PREX1: variants seen among roughly 807,000 people sequenced by gnomAD.
PREX1 encodes phosphatidylinositol-3,4,5-trisphosphate dependent Rac exchange factor 1.
In PREX1, 41 loss-of-function variants were observed where a neutral mutation model predicts 198.3. The ratio of observed to expected loss-of-function variants is 0.21; its 90% CI spans 0.16 to 0.27. The LOEUF is 0.27. PREX1 is among the 10% of genes least tolerant of loss of function. The probability of loss-of-function intolerance (pLI) is 1.00; values close to 1 mark genes in which losing one functional copy is unlikely to be tolerated. For synonymous variants in PREX1, 843 were observed against 887.2 expected (o/e 0.95, Z 0.89); for missense variants, 1,620 against 2,200.7 (o/e 0.74, Z 5.28).
At position 48,625,769 on chromosome 20, in the gene PREX1, CG is replaced by C; in HGVS notation, c.*115del. 1 of 1,265,920 alleles carries C rather than the reference CG, an allele frequency of 7.9e-7. No homozygotes were observed. Among genetic ancestry groups the C allele is most frequent in the South Asian group, 1.6e-5 (1 of 63,432 alleles). The allele number at this position is 1,265,920 out of a possible 1,614,324, so 78.4% of individuals were successfully genotyped here. A position where few individuals can be genotyped will look rare whatever the true frequency, so the allele number is the denominator to read the frequency against. Reference sequence around the variant, plus strand: ...GGCAGGGAGGACGCTGGGCAGGTCCCGGAACGGGCGGCTGCGGAAGCCTTGG... The same window carrying C: ...GGCAGGGAGGACGCTGGGCAGGTCCCGAACGGGCGGCTGCGGAAGCCTTGG... On this transcript the variant is annotated 3_prime_UTR_variant, in exon 40 of 40. Transcript: ENST00000371941.
At chr20:48,759,094 G>GAGGCTCAA (rs1306927538) in intron 1 of PREX1, among the ~76,000 whole-genome samples, 26 of 152,230 alleles carry the variant, frequency 1.7e-4, no homozygotes, top group African/African-American at 6.0e-4. Context: ...AAGAGTGGAT[G>GAGGCTCAA]AGGCTCAAAG....
At chr20:48,867,369 G>C in the PREX1 span, among the ~76,000 whole-genome samples, 2 of 152,196 alleles carry the variant, frequency 1.3e-5, no homozygotes, top group Admixed American at 1.3e-4. Flanking sequence ...GAGAGACCTT[G>C]AAAGCACCTA....
intron 1 of PREX1, among the ~76,000 whole-genome samples, chr20:48,808,141 T>G (rs949168381): frequency 1.3e-5 from 2 of 152,040 alleles, no homozygotes; most frequent in Admixed American, 6.6e-5. Context: ...GAGGGCAGAG[T>G]TGGGGAACAA....
At chr20:48,844,152 A>G in the PREX1 span, among the ~76,000 whole-genome samples, 1 of 152,036 alleles carries the variant, frequency 6.6e-6, no homozygotes, top group Non-Finnish European at 1.5e-5. Flanking sequence ...AAAAAAATCT[A>G]GTAGCTGTGT....
At chr20:48,680,048 T>C (rs538684158) in intron 11 of PREX1, among the ~76,000 whole-genome samples, 1 of 152,096 alleles carries the variant, frequency 6.6e-6, no homozygotes, top group Admixed American at 6.5e-5. Flanking sequence ...GACCCAGAAA[T>C]GCCCCTGATC....
chr20:48,734,431 C>G, intron 4 of PREX1, 115 bp downstream of exon 4: 1 of 907,106 alleles, frequency 1.1e-6, no homozygotes, highest in South Asian at 1.5e-5. Flanking sequence ...CAGGAGATTA[C>G]CCCAGCCAAG....
At chr20:48,700,072 C>T (rs1336618652) in intron 7 of PREX1, among the ~76,000 whole-genome samples, 1 of 152,248 alleles carries the variant, frequency 6.6e-6, no homozygotes, top group Non-Finnish European at 1.5e-5. Flanking sequence ...GCACCTGCCT[C>T]CATCTACCTA....
intron 5 of PREX1, among the ~76,000 whole-genome samples, chr20:48,715,784 T>C (rs769200735): frequency 7.2e-5 from 11 of 152,190 alleles, no homozygotes; most frequent in Non-Finnish European, 1.0e-4. Context: ...ATAGCTAGCA[T>C]CTACTAAGTA....
intron 4 of PREX1, among the ~76,000 whole-genome samples, chr20:48,729,019 C>G (rs767840832): frequency 3.9e-5 from 6 of 152,094 alleles, no homozygotes; most frequent in Admixed American, 3.9e-4. Context: ...CCTGGACTAT[C>G]CTGAGTCCTC....
intron 1 of PREX1, among the ~76,000 whole-genome samples, chr20:48,754,574 T>C (rs534445001): frequency 4.0e-5 from 6 of 151,898 alleles, no homozygotes; most frequent in Admixed American, 1.3e-4. Context: ...GCCGGCAACC[T>C]GATCTGCTTG....
intron 5 of PREX1, among the ~76,000 whole-genome samples, chr20:48,714,366 T>C (rs1420667497): frequency 6.6e-6 from 1 of 152,150 alleles, no homozygotes; most frequent in Non-Finnish European, 1.5e-5. Flanking sequence ...CAATTACACA[T>C]CTGATGAGGA....
At chr20:48,869,241 T>G in the PREX1 span, among the ~76,000 whole-genome samples, 190 of 152,278 alleles carry the variant, frequency 1.2e-3, no homozygotes, top group African/African-American at 4.2e-3. Context: ...CACAGCTGTA[T>G]TCCACCATAC....
At chr20:48,852,632 TGCCCA>T in the PREX1 span, among the ~76,000 whole-genome samples, 3 of 152,218 alleles carry the variant, frequency 2.0e-5, no homozygotes, top group East Asian at 5.8e-4. Flanking sequence ...TCCCATCTGA[TGCCCA>T]GCTGATGGTC....
intron 30 of PREX1, among the ~76,000 whole-genome samples, chr20:48,638,612 C>A (rs1055351460): frequency 6.6e-6 from 1 of 152,134 alleles, no homozygotes; most frequent in East Asian, 1.9e-4. Flanking sequence ...TGCAGTGGTG[C>A]GCTCTTGTCA....
At chr20:48,686,867 A>C (rs563047651) in intron 10 of PREX1, among the ~76,000 whole-genome samples, 1 of 152,272 alleles carries the variant, frequency 6.6e-6, no homozygotes, top group Non-Finnish European at 1.5e-5. Flanking sequence ...GCTGTCCCCA[A>C]GTCCACACTA....
intron 1 of PREX1, among the ~76,000 whole-genome samples, chr20:48,811,792 C>T (rs150166246): frequency 1.2e-4 from 18 of 151,858 alleles, no homozygotes; most frequent in Non-Finnish European, 1.6e-4. Flanking sequence ...TTCCTAGAGA[C>T]AAGGGAATCC....
At position 48,774,602 on chromosome 20, in the gene PREX1, A is replaced by T. The variant is rs113399504; in HGVS notation, c.220-26722T>A. Among the ~76,000 whole-genome samples the T allele has an allele frequency of 4.3e-3, 648 of 152,342 alleles. 9 individuals are homozygous for T. Among genetic ancestry groups the T allele is most frequent in the African/African-American group, 0.014 (576 of 41,568 alleles). On this transcript the variant is annotated intron_variant, in intron 1 of 39. Transcript: ENST00000371941. ...AAGAGGGTGATTCTGCCATGTTTTC[A>T]GGGTGTGTCAGGCTCTGGAAACCCA...
intron 1 of PREX1, among the ~76,000 whole-genome samples, chr20:48,763,309 G>A (rs1357532103): frequency 6.6e-6 from 1 of 152,246 alleles, no homozygotes; most frequent in Non-Finnish European, 1.5e-5. Context: ...GTGGCTGGAA[G>A]GAAAAGCCTC....
chr20:48,752,662 C>G (rs2090139304), intron 1 of PREX1, among the ~76,000 whole-genome samples: 1 of 152,118 alleles, frequency 6.6e-6, no homozygotes, highest in Non-Finnish European at 1.5e-5. Flanking sequence ...CCGGTGGCCC[C>G]CATGGTAACC....
Sources: gnomAD v4.1 joint callset for allele counts (sites outside exome capture counted in the v4.1 genomes callset) on GRCh38, gnomAD v4.1.1 for gene constraint, MANE v1.5 for transcripts, NCBI Gene and HGNC (gene_info 2026-07-23, HGNC 2026-07-21) for gene names.